Variants in BMPER observed in about 807,000 individuals in gnomAD.
The protein encoded by BMPER is BMP-binding endothelial regulator protein.
In BMPER, 45 loss-of-function variants were observed where a neutral mutation model predicts 87.3. The ratio of observed to expected loss-of-function variants is 0.52; its 90% CI spans 0.41 to 0.66. BMPER has a LOEUF of 0.66. BMPER is among the 30% of genes least tolerant of loss of function. The pLI, the probability that BMPER is intolerant of heterozygous loss-of-function variation, is 0.00. For synonymous variants in BMPER, 326 were observed against 316.2 expected (o/e 1.03, Z -0.33); for missense variants, 784 against 867.5 (o/e 0.90, Z 1.21).
At chr7:34,125,645 G>A (rs1458530639) in intron 13 of BMPER, among the ~76,000 whole-genome samples, 1 of 152,166 alleles carries the variant, frequency 6.6e-6, no homozygotes, top group Non-Finnish European at 1.5e-5. Flanking sequence ...TAAGGATACT[G>A]TAAATTGCTC....
intron 6 of BMPER, among the ~76,000 whole-genome samples, chr7:34,046,016 A>G (rs1373301652): frequency 6.6e-6 from 1 of 152,202 alleles, no homozygotes; most frequent in Non-Finnish European, 1.5e-5. Flanking sequence ...TGATCATCCT[A>G]TACCTACTGT....
chr7:34,113,891 G>A (rs972115529), intron 13 of BMPER, among the ~76,000 whole-genome samples: 6 of 152,120 alleles, frequency 3.9e-5, no homozygotes, highest in Non-Finnish European at 5.9e-5. Flanking sequence ...TCTGAGTGAT[G>A]TTTCTATCTC....
intron 6 of BMPER, among the ~76,000 whole-genome samples, chr7:34,014,006 T>A (rs1404077148): frequency 3.3e-5 from 5 of 150,762 alleles, no homozygotes. Context: ...TGTGGGATTC[T>A]TTCATTGCCT....
At chr7:33,954,891 C>T (rs1437360051) in intron 3 of BMPER, among the ~76,000 whole-genome samples, 1 of 152,024 alleles carries the variant, frequency 6.6e-6, no homozygotes, top group Non-Finnish European at 1.5e-5. Context: ...AGGTTAAGGC[C>T]TTTATCAATT....
intron 12 of BMPER, among the ~76,000 whole-genome samples, chr7:34,081,800 T>A (rs1415782513): frequency 6.6e-6 from 1 of 152,188 alleles, no homozygotes; most frequent in Non-Finnish European, 1.5e-5. Context: ...CCCCTTTCTT[T>A]GGTGTAAAAT....
chr7:34,046,119 G>T (rs2127957648), intron 6 of BMPER, among the ~76,000 whole-genome samples, 187 bp from the exon 7 acceptor site: 1 of 152,222 alleles, frequency 6.6e-6, no homozygotes, highest in Middle Eastern at 3.4e-3. Context: ...CAGTCTTTTT[G>T]CAGCTGCAAT....
chr7:34,015,826 A>C (rs568880967), intron 6 of BMPER, among the ~76,000 whole-genome samples: 1 of 151,946 alleles, frequency 6.6e-6, no homozygotes, highest in Non-Finnish European at 1.5e-5. Context: ...AATGTGGCTC[A>C]CGCTGAGAGA....
intron 9 of BMPER, among the ~76,000 whole-genome samples, chr7:34,055,873 T>TG (rs1788271456): frequency 6.6e-6 from 1 of 152,274 alleles, no homozygotes; most frequent in African/African-American, 2.4e-5. Flanking sequence ...GGACCCCAAG[T>TG]GGGAAACAGT....
intron 14 of BMPER, among the ~76,000 whole-genome samples, chr7:34,152,391 C>G (rs1329553245): frequency 2.0e-5 from 3 of 152,090 alleles, no homozygotes; most frequent in Admixed American, 6.5e-5. Context: ...TTTTTTCTGA[C>G]AAGTCTAGTC....
chr7:34,067,110 G>T (rs1479712307), intron 11 of BMPER: 1 of 152,192 alleles, frequency 6.6e-6, no homozygotes, highest in African/African-American at 2.4e-5. Flanking sequence ...TCAACTACAT[G>T]TCCCAGAAGT....
intron 6 of BMPER, among the ~76,000 whole-genome samples, chr7:34,044,911 A>G (rs1297045496): frequency 2.6e-5 from 4 of 152,198 alleles, no homozygotes; most frequent in South Asian, 4.1e-4. Context: ...AGGCGGCCAC[A>G]GTGTGCTGGG....
intron 2 of BMPER, 82 bp from the exon 3 acceptor site, chr7:33,937,207 C>T (rs888077980): frequency 9.0e-6 from 13 of 1,443,596 alleles, no homozygotes; most frequent in Admixed American, 6.9e-5. Flanking sequence ...GAGTGGGGCT[C>T]GGGAAACCTC....
intron 5 of BMPER, 83 bp from the exon 6 acceptor site, chr7:33,974,619 G>T: frequency 7.3e-7 from 1 of 1,373,140 alleles, no homozygotes; most frequent in South Asian, 1.2e-5. Flanking sequence ...GGTGGGCAAC[G>T]GATGAACTGT....
At chr7:34,121,989 G>A (rs947491439) in intron 13 of BMPER, among the ~76,000 whole-genome samples, 17 of 151,426 alleles carry the variant, frequency 1.1e-4, no homozygotes. Flanking sequence ...TGGGCATTGT[G>A]GTACATGCCT....
intron 11 of BMPER, among the ~76,000 whole-genome samples, chr7:34,067,039 T>C (rs769004005): frequency 4.6e-5 from 7 of 152,216 alleles, no homozygotes; most frequent in Non-Finnish European, 7.3e-5. Context: ...AGTTCACGAT[T>C]ACATAACACT....
At position 34,141,166 on chromosome 7, in the gene BMPER, C is replaced by T. The variant is rs117991162; in HGVS notation, c.1746-2064C>T. On this transcript the variant is annotated intron_variant, in intron 13 of 14. Transcript: ENST00000649409. ...GGAGATTCATACACTGGCATTTAGA[C>T]GCCATTTTAAGGACAAGCTTTATTT... is the stretch of plus-strand genomic sequence containing the variant. Among the ~76,000 whole-genome samples the T allele has an allele frequency of 7.7e-3, 1,177 of 152,262 alleles. 7 individuals are homozygous for T. Among genetic ancestry groups the T allele is most frequent in the Middle Eastern group, 0.017 (5 of 294 alleles).
At chr7:33,961,715 G>A (rs1476500792) in intron 3 of BMPER, among the ~76,000 whole-genome samples, 2 of 152,176 alleles carry the variant, frequency 1.3e-5, no homozygotes, top group Admixed American at 6.5e-5. Context: ...GAAGGCAGCT[G>A]TAGCGCAAGA....
chr7:33,981,927 G>T (rs1033461011), intron 6 of BMPER, among the ~76,000 whole-genome samples: 1 of 152,218 alleles, frequency 6.6e-6, no homozygotes. Flanking sequence ...AGTTCTGGTG[G>T]CAGGAAGCTG....
intron 13 of BMPER, among the ~76,000 whole-genome samples, chr7:34,101,711 A>G (rs1268584371): frequency 6.6e-6 from 1 of 152,036 alleles, no homozygotes; most frequent in Non-Finnish European, 1.5e-5. Context: ...GTTCTTGGGA[A>G]CTGTGACCGA....
Sources: gnomAD v4.1 joint callset for allele counts (sites outside exome capture counted in the v4.1 genomes callset) on GRCh38, gnomAD v4.1.1 for gene constraint, MANE v1.5 for transcripts, NCBI Gene and HGNC (gene_info 2026-07-23, HGNC 2026-07-21) for gene names.